The following IREB2 variants were observed in gnomAD, a reference collection of about 807,000 sequenced individuals.
The protein encoded by IREB2 is iron-responsive element-binding protein 2.
A neutral mutation model predicts 118.8 loss-of-function variants in IREB2; 39 were observed. The ratio of observed to expected loss-of-function variants is 0.33; its 90% confidence interval spans 0.25 to 0.43. IREB2 has a LOEUF of 0.43. Ranked by LOEUF, IREB2 falls within the 20% of genes least tolerant of loss-of-function variation. IREB2 has a pLI of 1.00. For synonymous variants in IREB2, 372 were observed against 392.2 expected (o/e 0.95, Z 0.61); for missense variants, 900 against 1,147.3 (o/e 0.78, Z 3.11).
chr15:78,486,101 A>G (rs933564113), intron 13 of IREB2, among the ~76,000 whole-genome samples: 2 of 152,360 alleles, frequency 1.3e-5, no homozygotes, highest in Admixed American at 6.5e-5. Context: ...TTGGGAAGAC[A>G]AGACAAACAA....
intron 8 of IREB2, chr15:78,474,791 C>CA (rs1171752657): frequency 6.6e-6 from 1 of 150,660 alleles, no homozygotes; most frequent in African/African-American, 2.4e-5. Context: ...CGCGGTGGCT[C>CA]ACGCCTGTAA....
intron 10 of IREB2, among the ~76,000 whole-genome samples, chr15:78,482,046 C>T (rs1360718491): frequency 6.6e-6 from 1 of 151,980 alleles, no homozygotes; most frequent in Admixed American, 6.6e-5. Flanking sequence ...CCAGCCTGGG[C>T]AACATAGTGA....
At chr15:78,478,584 C>T (rs992823219) in intron 10 of IREB2, among the ~76,000 whole-genome samples, 187 bp downstream of exon 10, 6 of 152,098 alleles carry the variant, frequency 3.9e-5, no homozygotes, top group Non-Finnish European at 5.9e-5. Flanking sequence ...CGCCTGTGGT[C>T]CCAAGTACCT....
In IREB2 at chr15:78,500,259, T is replaced by C. The variant is rs1280730457; in HGVS notation, c.*2116T>C. ...AAGCTAGCTAACTATGAATTAAACA[T>C]TCACATATCCAGTCTACCTGGTCCA... On this transcript the variant is annotated 3_prime_UTR_variant, in exon 22 of 22. Coordinates refer to ENST00000258886, the MANE Select transcript of IREB2 (RefSeq NM_004136.4). The C allele has an allele frequency of 6.6e-6, 1 of 152,218 alleles. No homozygotes were observed. Among genetic ancestry groups the C allele is most frequent in the Non-Finnish European group, 1.5e-5 (1 of 68,042 alleles). The allele number at this position is 152,218 out of a possible 1,614,324, so 9.4% of individuals were successfully genotyped here.
At chr15:78,495,932 T>C (rs2051830903) in intron 20 of IREB2, among the ~76,000 whole-genome samples, 1 of 152,184 alleles carries the variant, frequency 6.6e-6, no homozygotes, top group Non-Finnish European at 1.5e-5. Context: ...AAAACACAAG[T>C]CTAGAGCCTT....
At chr15:78,487,600 T>A (rs1053290950) in intron 13 of IREB2, 133 bp from the exon 14 acceptor site, 1 of 573,628 alleles carries the variant, frequency 1.7e-6, no homozygotes, top group African/African-American at 1.9e-5. Flanking sequence ...AATATATTGA[T>A]GAAGGTTAAT....
chr15:78,438,583 A>C (rs1448494583), intron 1 of IREB2: 5 of 548,338 alleles, frequency 9.1e-6, no homozygotes, highest in African/African-American at 7.9e-5. Flanking sequence ...AGGGCGGGCC[A>C]CCCCACCGCT....
rs563674655 is a variant in IREB2 at position 78,473,477 on chromosome 15, C to T, written c.1023+96C>T. On this transcript the variant is annotated intron_variant, in intron 8 of 21. Coordinates refer to ENST00000258886, the MANE Select transcript of IREB2 (RefSeq NM_004136.4). ...GAGCAGGGATTTGGGTTCATTACTGCATCCTCAGGTCTCTTGACGTTAGCC... is the reference window on the plus strand; with the variant it reads ...GAGCAGGGATTTGGGTTCATTACTGTATCCTCAGGTCTCTTGACGTTAGCC... 6 of 913,012 alleles carry T rather than the reference C, an allele frequency of 6.6e-6. No homozygotes were observed. The African/African-American group carries it at 8.3e-5, about 13-fold the overall frequency. 56.6% of individuals were successfully genotyped at this position (913,012 alleles called of 1,614,324 possible). A position where few individuals can be genotyped will look rare whatever the true frequency, so the allele number is the denominator to read the frequency against.
At chr15:78,464,704 A>G (rs1158764313) in intron 3 of IREB2, among the ~76,000 whole-genome samples, 2 of 152,208 alleles carry the variant, frequency 1.3e-5, no homozygotes, top group Non-Finnish European at 2.9e-5. Context: ...GTATGCAGCT[A>G]TTATAGTACT....
chr15:78,462,922 A>G lies in IREB2; in HGVS notation c.107A>G (p.Asp36Gly). The G allele has an allele frequency of 6.3e-7, 1 of 1,577,558 alleles. No homozygotes were observed. Among genetic ancestry groups the G allele is most frequent in the Non-Finnish European group, 8.6e-7 (1 of 1,166,866 alleles). Residue 36 changes from aspartate to glycine, a missense_variant and splice_region_variant, in exon 3 of 22, where the codon GAT (aspartate) becomes GGT (glycine). By Grantham distance (94) the Asp-to-Gly change is moderately conservative. Transcript: ENST00000258886. The part of the protein sequence containing the change: ...FDVSKLGTKY[D>G]VLPYSIRVLL... The stretch of plus-strand genomic sequence containing the variant: ...TAATAGTAATATTTTCTTGAATCAG[A>G]TGTTCTGCCTTACTCAATACGGGTC...
In IREB2 at chr15:78,438,220, C is replaced by T. The variant is rs1006050421; in HGVS notation, c.-118C>T. On this transcript the variant is annotated 5_prime_UTR_variant, in exon 1 of 22. Transcript: ENST00000258886. The stretch of plus-strand genomic sequence containing the variant: ...CTGCTCTCGCGATATTTGCGCGAGC[C>T]TGCTTCCTTCTTTCCTCCCTTGCCA... 1.8e-5 allele frequency: 14 copies of T among 798,806 alleles called. No individual in the cohort carries two copies. Among genetic ancestry groups the T allele is most frequent in the Admixed American group, 4.2e-5 (2 of 47,928 alleles). The allele number at this position is 798,806 out of a possible 1,614,324, so 49.5% of individuals were successfully genotyped here.
rs993408886 is a variant in IREB2 at position 78,438,370 on chromosome 15, C to T, written c.19+14C>T. 6.3e-6 allele frequency: 10 copies of T among 1,596,134 alleles called. No homozygotes were observed. The highest frequency in any genetic ancestry group is 8.5e-6 in the Non-Finnish European group (10 of 1,172,088). On this transcript the variant is annotated intron_variant, in intron 1 of 21. Coordinates refer to ENST00000258886, the MANE Select transcript of IREB2 (RefSeq NM_004136.4). ...CCCCAAAAGCAGGTCAGTTTCGGGCCTCCGAGCTGGGTCTGGCAGTTGGAA... is the reference window on the plus strand; with the variant it reads ...CCCCAAAAGCAGGTCAGTTTCGGGCTTCCGAGCTGGGTCTGGCAGTTGGAA...
At chr15:78,478,220 T>G in intron 9 of IREB2, 77 bp from the exon 10 acceptor site, 1 of 994,196 alleles carries the variant, frequency 1.0e-6, no homozygotes, top group South Asian at 1.4e-5. Flanking sequence ...GGCAACAAAG[T>G]GAAACCCTGT....
Position 78,498,217 on chromosome 15 carries a change from C to T in IREB2, c.*74C>T. On this transcript the variant is annotated 3_prime_UTR_variant, in exon 22 of 22. Coordinates refer to ENST00000258886, the MANE Select transcript of IREB2 (RefSeq NM_004136.4). ...TTGTGCTGGACCCAGGAATCCTTACCATGGAGCAGCAGATAGTCCCAGTAT... is the reference window on the plus strand; with the variant it reads ...TTGTGCTGGACCCAGGAATCCTTACTATGGAGCAGCAGATAGTCCCAGTAT... 1.3e-6 allele frequency: 1 copy of T among 781,846 alleles called. No individual in the cohort carries two copies. The highest frequency in any genetic ancestry group is 2.3e-6 in the Non-Finnish European group (1 of 443,810). 48.4% of individuals were successfully genotyped at this position (781,846 alleles called of 1,614,324 possible). A position where few individuals can be genotyped will look rare whatever the true frequency, so the allele number is the denominator to read the frequency against.
In IREB2 at chr15:78,493,936, C is replaced by T. The variant is rs112502211; in HGVS notation, c.2352C>T (p.Tyr784=). ...TTACCCCTCGTGAATTCAACTCTTACGGAGCTCGAAGAGGTAATGATGCTG... is the reference window on the plus strand; with the variant it reads ...TTACCCCTCGTGAATTCAACTCTTATGGAGCTCGAAGAGGTAATGATGCTG... ...RGLTPREFNS[Y]GARRGNDAVM... The change falls in exon 19 of 22, where the codon TAC becomes TAT. Residue 784 remains tyrosine, a synonymous_variant. Transcript: ENST00000258886. The T allele has an allele frequency of 1.2e-4, 192 of 1,613,650 alleles. No individual in the cohort carries two copies. In the African/African-American group the frequency reaches 1.3e-3, roughly 11 times the overall value.
At position 78,470,568 on chromosome 15, in the gene IREB2, C is replaced by T. The variant is rs199867160; in HGVS notation, c.666C>T (p.Phe222=). The change falls in exon 6 of 22, where the codon TTC becomes TTT. Residue 222 remains phenylalanine, a synonymous_variant. Transcript: ENST00000258886. Reference sequence around the variant, plus strand: ...TGTTAAAAAATCAAGAAGTAGAATTCGGCAGAAATCGAGAGAGGCTTCAGT... The same window carrying T: ...TGTTAAAAAATCAAGAAGTAGAATTTGGCAGAAATCGAGAGAGGCTTCAGT... ...ETVLKNQEVE[F]GRNRERLQFF... 1.0e-5 allele frequency: 16 copies of T among 1,592,844 alleles called. No individual in the cohort carries two copies. The highest frequency in any genetic ancestry group is 2.7e-5 in the African/African-American group (2 of 74,478).
chr15:78,474,311 A>G (rs1425389456), intron 8 of IREB2: 2 of 152,340 alleles, frequency 1.3e-5, no homozygotes, highest in East Asian at 3.9e-4. Flanking sequence ...TAAGGAAATG[A>G]TAATGCCTCC....
intron 20 of IREB2, 35 bp downstream of exon 20, chr15:78,494,299 A>G: frequency 6.3e-7 from 1 of 1,597,864 alleles, no homozygotes; most frequent in Admixed American, 1.8e-5. Flanking sequence ...CTTAAGCTTC[A>G]AAGAGTTTTA....
chr15:78,463,429 A>G (rs1247581441), intron 3 of IREB2, among the ~76,000 whole-genome samples: 1 of 152,138 alleles, frequency 6.6e-6, no homozygotes, highest in Non-Finnish European at 1.5e-5. Context: ...TGACAATGCA[A>G]GACCCTGTCT....
Sources: gnomAD v4.1 joint callset for allele counts (sites outside exome capture counted in the v4.1 genomes callset) on GRCh38, gnomAD v4.1.1 for gene constraint, MANE v1.5 for transcripts, NCBI Gene and HGNC (gene_info 2026-07-23, HGNC 2026-07-21) for gene names.